YJU2B: variants seen among roughly 807,000 people sequenced by gnomAD.
YJU2B encodes the protein probable splicing factor YJU2B.
In YJU2B, 18 loss-of-function variants were observed where a neutral mutation model predicts 38.0. The ratio of observed to expected loss-of-function variants is 0.47; its 90% confidence interval spans 0.33 to 0.70. The LOEUF is 0.70. Among genes scored for constraint, YJU2B ranks in the 30% least tolerant of loss-of-function variants. The pLI is 0.02. For synonymous variants in YJU2B, 246 were observed against 225.4 expected, an observed-to-expected ratio of 1.09 and a Z score of -0.82; for missense variants, 538 against 556.3, an observed-to-expected ratio of 0.97 and a Z score of 0.33.
chr19:13,742,294 C>CTTTTTTTTTTTTTTTTTTT (rs552865402), intron 2 of YJU2B, among the ~76,000 whole-genome samples: 1 of 111,976 alleles, frequency 8.9e-6, no homozygotes, highest in African/African-American at 3.6e-5. Context: ...TTGAGTCCCA[C>CTTTTTTTTTTTTTTTTTTT]TTTTTTTTTT....
intron 1 of YJU2B, among the ~76,000 whole-genome samples, chr19:13,748,443 G>A (rs1246490886): frequency 1.3e-5 from 2 of 151,974 alleles, no homozygotes; most frequent in Admixed American, 1.3e-4. Flanking sequence ...GTGGAGCTCC[G>A]AGCCCAAGCC....
In YJU2B at chr19:13,762,443, TAGG is replaced by T. The variant is rs750027809; in HGVS notation, c.712+10_712+12del. On this transcript the variant is annotated splice_region_variant and intron_variant, in intron 9 of 9. Transcript: ENST00000221554. The stretch of plus-strand genomic sequence containing the variant: ...GAAGTTCCACACCCTGGACTGTGCG[TAGG>T]AGGCCAGGGGGAAAAGGGGACAGGG... 2.5e-6 allele frequency: 4 copies of T among 1,611,320 alleles called. No homozygotes were observed. The Admixed American group carries it at 6.7e-5, about 27-fold the overall frequency.
At chr19:13,754,975 C>G (rs1973607721) in intron 3 of YJU2B, among the ~76,000 whole-genome samples, 1 of 151,994 alleles carries the variant, frequency 6.6e-6, no homozygotes, top group African/African-American at 2.4e-5. Flanking sequence ...CCTCTCTATG[C>G]CAAAGTTTCT....
intron 2 of YJU2B, among the ~76,000 whole-genome samples, chr19:13,737,377 C>T (rs1972978196): frequency 6.6e-6 from 1 of 152,000 alleles, no homozygotes; most frequent in Non-Finnish European, 1.5e-5. Context: ...TTGGATGATA[C>T]TGGTCAGACC....
Position 13,757,415 on chromosome 19 carries a change from C to T in YJU2B, c.141-3C>T, listed in dbSNP as rs199876154. The T allele has an allele frequency of 1.2e-5, 20 of 1,613,620 alleles. No homozygotes were observed. The highest frequency in any genetic ancestry group is 1.4e-5 in the Non-Finnish European group (17 of 1,179,588). On this transcript the variant is annotated splice_polypyrimidine_tract_variant and splice_region_variant and intron_variant, in intron 4 of 9. Coordinates refer to ENST00000221554, the MANE Select transcript of YJU2B (RefSeq NM_030818.4). ...GCAAGTAAGATGCTGTCTGTCTTTG[C>T]AGATTCGAAATGCCATATAACATCT...
chr19:13,741,424 A>G (rs1309637484), intron 2 of YJU2B, among the ~76,000 whole-genome samples: 1 of 151,878 alleles, frequency 6.6e-6, no homozygotes, highest in Admixed American at 6.6e-5. Flanking sequence ...AAGTGCTGGG[A>G]TTACAGGTGT....
intron 4 of YJU2B, 84 bp downstream of exon 4, chr19:13,756,363 A>G: frequency 9.6e-7 from 1 of 1,044,358 alleles, no homozygotes; most frequent in Non-Finnish European, 1.5e-6. Context: ...TCATTGGCCC[A>G]GTGCTGCAGG....
At chr19:13,754,196 A>C in intron 2 of YJU2B, 93 bp from the exon 3 acceptor site, 1 of 992,184 alleles carries the variant, frequency 1.0e-6, no homozygotes, top group Non-Finnish European at 1.6e-6. Flanking sequence ...AAAATAAAAA[A>C]TCAGAAAAAA....
chr19:13,737,026 CAAA>C (rs61619895), intron 2 of YJU2B, among the ~76,000 whole-genome samples: 4 of 117,998 alleles, frequency 3.4e-5, no homozygotes, highest in Non-Finnish European at 5.2e-5. Context: ...GACTCATTCT[CAAA>C]AAAAAAAAAA....
At chr19:13,752,452 AC>A (rs1270783247) in intron 2 of YJU2B, among the ~76,000 whole-genome samples, 4 of 152,110 alleles carry the variant, frequency 2.6e-5, no homozygotes, top group African/African-American at 9.7e-5. Context: ...TACTAAAAAT[AC>A]AAAAATTAGG....
Position 13,757,818 on chromosome 19 carries a change from G to A in YJU2B, c.229G>A (p.Gly77Ser), listed in dbSNP as rs368111445. ...TTACAATGCAGAAAAGAAGAAGGTG[G>A]GCAATTACTACACAACCCCGATCTA... ...VRYNAEKKKV[G>S]NYYTTPIYRF... Residue 77 changes from glycine to serine, a missense_variant, in exon 6 of 10, where the codon GGC (glycine) becomes AGC (serine). Physicochemically the swap from Gly to Ser is moderately conservative, Grantham distance 56 (BLOSUM62 0). Coordinates refer to ENST00000221554, the MANE Select transcript of YJU2B (RefSeq NM_030818.4). 4.3e-6 allele frequency: 7 copies of A among 1,613,896 alleles called. No homozygotes were observed. Among genetic ancestry groups the A allele is most frequent in the African/African-American group, 1.3e-5 (1 of 74,880 alleles).
At chr19:13,754,764 T>C (rs112786251) in intron 3 of YJU2B, among the ~76,000 whole-genome samples, 1 of 152,154 alleles carries the variant, frequency 6.6e-6, no homozygotes, top group Non-Finnish European at 1.5e-5. Flanking sequence ...GTTGCATTGC[T>C]GAGCACTTTA....
At position 13,732,608 on chromosome 19, in the gene YJU2B, TTC is replaced by T. The variant is rs1491410718; in HGVS notation, c.-202+325_-202+326del. On this transcript the variant is annotated intron_variant, in intron 2 of 10. Coordinates refer to the YJU2B transcript ENST00000586600. ...AAAAAAAAAAAAGTGCATACTTTCT[TTC>T]TTTTTTTTTTTTTTTTTGCGACAGA... The T allele has an allele frequency of 1.3e-4, 16 of 125,138 alleles. 1 individual carries two copies. Among genetic ancestry groups the T allele is most frequent in the South Asian group, 3.1e-4 (1 of 3,270 alleles). 7.8% of individuals were successfully genotyped at this position (125,138 alleles called of 1,614,324 possible).
chr19:13,734,323 G>A lies in YJU2B; in HGVS notation c.-202+2038G>A, dbSNP rs1486968749. 2.0e-5 allele frequency among the ~76,000 whole-genome samples: 3 copies of A among 149,500 alleles called. No individual in the cohort carries two copies. In the Admixed American group the frequency reaches 2.0e-4, roughly 10 times the overall value. ...TTTTTTTTTTTTGAGATGGAGTCTC[G>A]TTCTGTCACCCAGACTGGAGTGCAA... On this transcript the variant is annotated intron_variant, in intron 2 of 10. Coordinates refer to the YJU2B transcript ENST00000586600.
chr19:13,751,561 T>C, intron 1 of YJU2B, 47 bp from the exon 2 acceptor site: 1 of 530,664 alleles, frequency 1.9e-6, no homozygotes, highest in East Asian at 3.1e-5. Context: ...TCAGATGTGA[T>C]GCGTATATTG....
upstream of YJU2B, among the ~76,000 whole-genome samples, chr19:13,745,755 A>G (rs1248061052): frequency 6.8e-6 from 1 of 147,392 alleles, no homozygotes; most frequent in Non-Finnish European, 1.5e-5. Flanking sequence ...ATATATATAT[A>G]TATCAGGAGG....
intron 2 of YJU2B, among the ~76,000 whole-genome samples, chr19:13,741,975 A>G (rs1973106418): frequency 6.6e-6 from 1 of 152,200 alleles, no homozygotes; most frequent in Non-Finnish European, 1.5e-5. Context: ...CCACTGGCAA[A>G]GAGAAAAGAC....
At chr19:13,749,511 G>C (rs573150071) in intron 1 of YJU2B, among the ~76,000 whole-genome samples, 93 of 152,276 alleles carry the variant, frequency 6.1e-4, no homozygotes, top group African/African-American at 2.2e-3. Flanking sequence ...AGATAATCTG[G>C]CCTAAAAAGC....
At position 13,734,046 on chromosome 19, in the gene YJU2B, G is replaced by T. The variant is rs148076114; in HGVS notation, c.-202+1761G>T. On this transcript the variant is annotated intron_variant, in intron 2 of 10. Transcript: ENST00000586600. ...GAGCTCAAGGGATCCTCCCACTTCA[G>T]CCTCCCTAGTAGCTGGGACTATAGG... Among the ~76,000 whole-genome samples, 605 of 152,114 alleles carry T rather than the reference G, an allele frequency of 4.0e-3. 3 individuals carry two copies. Among genetic ancestry groups the T allele is most frequent in the African/African-American group, 0.014 (587 of 41,500 alleles).
Sources: allele counts gnomAD v4.1 joint callset (sites outside exome capture counted in the v4.1 genomes callset), GRCh38; gene constraint gnomAD v4.1.1; transcripts MANE v1.5; gene names NCBI Gene and HGNC (gene_info 2026-07-23, HGNC 2026-07-21).